NCALD: variants seen among roughly 807,000 people sequenced by gnomAD.
NCALD encodes neurocalcin delta.
Under a neutral mutation model 18.6 loss-of-function variants are expected in NCALD, and 10 were observed. The ratio of observed to expected loss-of-function variants is 0.54; its 90% CI spans 0.33 to 0.91. The LOEUF (loss-of-function observed/expected upper bound fraction) is 0.91, where lower values mean the gene tolerates loss of function less well. Among genes scored for constraint, NCALD ranks in the 40% least tolerant of loss-of-function variants. NCALD has a pLI of 0.03. For synonymous variants in NCALD, 88 were observed against 87.4 expected, an observed-to-expected ratio of 1.01 and a Z score of -0.04; for missense variants, 184 against 247.6, an observed-to-expected ratio of 0.74 and a Z score of 1.72.
chr8:102,013,580 C>T (rs574697600), intron 2 of NCALD, among the ~76,000 whole-genome samples: 3 of 152,308 alleles, frequency 2.0e-5, no homozygotes, highest in South Asian at 4.2e-4. Flanking sequence ...GGGCTGACTC[C>T]ACTGGGAGGC....
chr8:101,784,377 G>C (rs185292287), intron 1 of NCALD, among the ~76,000 whole-genome samples: 1 of 152,246 alleles, frequency 6.6e-6, no homozygotes, highest in Non-Finnish European at 1.5e-5. Flanking sequence ...TTCTTTTTAT[G>C]ATCTATCCTT....
At chr8:102,048,480 G>A (rs1823324459) in intron 1 of NCALD, among the ~76,000 whole-genome samples, 1 of 152,206 alleles carries the variant, frequency 6.6e-6, no homozygotes, top group Non-Finnish European at 1.5e-5. Flanking sequence ...TACTGGAATG[G>A]GGGTTCACAG....
chr8:102,113,078 T>C (rs907183750), intron 1 of NCALD, among the ~76,000 whole-genome samples: 1 of 151,938 alleles, frequency 6.6e-6, no homozygotes. Flanking sequence ...CTTCAAACAA[T>C]GGAAACAGAA....
At chr8:101,744,269 G>A (rs886550559) in intron 1 of NCALD, among the ~76,000 whole-genome samples, 7 of 152,138 alleles carry the variant, frequency 4.6e-5, no homozygotes, top group South Asian at 2.1e-4. Context: ...AACCTAGATG[G>A]GAATCCCAGC....
At chr8:101,785,440 C>T (rs1812186336) in intron 1 of NCALD, among the ~76,000 whole-genome samples, 1 of 152,268 alleles carries the variant, frequency 6.6e-6, no homozygotes, top group South Asian at 2.1e-4. Flanking sequence ...AGGTAACTTG[C>T]TCAGAGTATC....
intron 1 of NCALD, among the ~76,000 whole-genome samples, chr8:102,066,371 C>T (rs1338110734): frequency 6.6e-6 from 1 of 152,194 alleles, no homozygotes; most frequent in Admixed American, 6.5e-5. Context: ...AGGTTTGTAT[C>T]TCTAATACCA....
At position 102,053,630 on chromosome 8, in the gene NCALD, G is replaced by A. The variant is rs73697445; in HGVS notation, c.-209-33341C>T. Among the ~76,000 whole-genome samples, 373 of 152,200 alleles carry A rather than the reference G, an allele frequency of 2.5e-3. 3 individuals are homozygous for A. The highest frequency in any genetic ancestry group is 8.2e-3 in the African/African-American group (340 of 41,514). ...ACAATTCAGCTCCAAAGCTGGCAACGTTAACCACCTAGTAATACTAACATA... is the reference window on the plus strand; with the variant it reads ...ACAATTCAGCTCCAAAGCTGGCAACATTAACCACCTAGTAATACTAACATA... On this transcript the variant is annotated intron_variant, in intron 1 of 6. Transcript: ENST00000311028.
chr8:102,094,695 A>G (rs1211685262), intron 1 of NCALD, among the ~76,000 whole-genome samples: 1 of 152,242 alleles, frequency 6.6e-6, no homozygotes, highest in Admixed American at 6.5e-5. Flanking sequence ...TTGGAAAGAA[A>G]GTCCTGATAG....
chr8:101,975,801 G>C (rs908544538), intron 2 of NCALD, among the ~76,000 whole-genome samples: 1 of 152,202 alleles, frequency 6.6e-6, no homozygotes, highest in Admixed American at 6.5e-5. Flanking sequence ...TCTGTGGAGA[G>C]TATGCAAGCT....
chr8:101,816,890 G>T (rs1447727653), intron 4 of NCALD, among the ~76,000 whole-genome samples: 2 of 152,046 alleles, frequency 1.3e-5, no homozygotes, highest in African/African-American at 4.8e-5. Flanking sequence ...GCATGTTGTG[G>T]GGGCAGGGGT....
chr8:101,950,866 A>G lies in NCALD; in HGVS notation c.-156-35008T>C, dbSNP rs146599119. On this transcript the variant is annotated intron_variant, in intron 2 of 6. Transcript: ENST00000311028. The stretch of plus-strand genomic sequence containing the variant: ...CTAGAAACCAGCTCTTGTAGCTGTA[A>G]CAGGCCACTGATATTTTGAGGTTAT... 3.2e-3 allele frequency among the ~76,000 whole-genome samples: 490 copies of G among 152,334 alleles called. 10 individuals carry two copies. Among genetic ancestry groups the G allele is most frequent in the Non-Finnish European group, 1.2e-3 (80 of 68,030 alleles).
chr8:101,868,592 G>A (rs1026025592), intron 4 of NCALD, among the ~76,000 whole-genome samples: 1 of 152,146 alleles, frequency 6.6e-6, no homozygotes. Flanking sequence ...GTTTGCATAG[G>A]AGCATAATTT....
At chr8:102,065,324 C>T (rs1288056319) in intron 1 of NCALD, among the ~76,000 whole-genome samples, 3 of 152,122 alleles carry the variant, frequency 2.0e-5, no homozygotes, top group Admixed American at 6.5e-5. Context: ...CCAAGGAAGC[C>T]GCTTGCCTGT....
At chr8:101,925,363 G>T (rs1303341317) in intron 2 of NCALD, among the ~76,000 whole-genome samples, 2 of 151,876 alleles carry the variant, frequency 1.3e-5, no homozygotes, top group Non-Finnish European at 2.9e-5. Context: ...ACTTTAAGGT[G>T]CTCACTTCAG....
At chr8:101,711,244 A>G (rs116726527) in intron 2 of NCALD, among the ~76,000 whole-genome samples, 3,921 of 152,128 alleles carry the variant, frequency 0.026, 131 homozygotes, top group African/African-American at 0.078. Flanking sequence ...GGACAACCAC[A>G]CAAAAAACTC....
chr8:101,826,731 A>G (rs956578963), intron 4 of NCALD, among the ~76,000 whole-genome samples: 1 of 152,222 alleles, frequency 6.6e-6, no homozygotes, highest in African/African-American at 2.4e-5. Flanking sequence ...TATTTACCAA[A>G]TAGACTTCTC....
chr8:101,772,220 C>G (rs1811613340), intron 1 of NCALD, among the ~76,000 whole-genome samples: 1 of 152,196 alleles, frequency 6.6e-6, no homozygotes, highest in Non-Finnish European at 1.5e-5. Context: ...TAGAGGTTTA[C>G]AAGCAAATTA....
intron 2 of NCALD, among the ~76,000 whole-genome samples, chr8:102,015,526 T>C (rs1290358853): frequency 6.6e-6 from 1 of 152,230 alleles, no homozygotes; most frequent in African/African-American, 2.4e-5. Flanking sequence ...TTTAAGCCAG[T>C]GACTCTTAAA....
At chr8:101,936,358 A>G (rs540661904) in intron 2 of NCALD, among the ~76,000 whole-genome samples, 175 of 152,246 alleles carry the variant, frequency 1.1e-3, no homozygotes, top group African/African-American at 4.0e-3. Flanking sequence ...GAGGTACTGA[A>G]GGCATATGCA....
Sources: allele counts gnomAD v4.1 joint callset (sites outside exome capture counted in the v4.1 genomes callset), GRCh38; gene constraint gnomAD v4.1.1; transcripts MANE v1.5; gene names NCBI Gene and HGNC (gene_info 2026-07-23, HGNC 2026-07-21).